Variants in AUTS2 observed in about 807,000 individuals in gnomAD.
The protein encoded by AUTS2 is activator of transcription and developmental regulator AUTS2, also known as autism susceptibility gene 2 protein.
A neutral mutation model predicts 112.4 loss-of-function variants in AUTS2; 17 were observed. The observed-to-expected ratio is 0.15, with a 90% CI of 0.10 to 0.23. The LOEUF is 0.23. Ranked by LOEUF, AUTS2 falls within the 10% of genes least tolerant of loss-of-function variation. AUTS2 has a pLI of 1.00. For missense variants in AUTS2, 1,510 were observed against 1,701.6 expected (o/e 0.89, Z 1.98); for synonymous variants, 751 against 702.7 (o/e 1.07, Z -1.09).
chr7:69,688,766 C>T (rs1207780561), intron 1 of AUTS2, among the ~76,000 whole-genome samples: 3 of 152,152 alleles, frequency 2.0e-5, no homozygotes, highest in Non-Finnish European at 2.9e-5. Context: ...TTTAACAGAG[C>T]TCTCCCTATC....
chr7:70,224,618 G>A (rs1029016288), intron 4 of AUTS2, among the ~76,000 whole-genome samples: 6 of 152,076 alleles, frequency 3.9e-5, no homozygotes, highest in African/African-American at 1.4e-4. Flanking sequence ...TAACCAACAT[G>A]TACAATGTTT....
chr7:69,996,080 C>T (rs1455461204), intron 2 of AUTS2, among the ~76,000 whole-genome samples: 1 of 152,160 alleles, frequency 6.6e-6, no homozygotes, highest in East Asian at 1.9e-4. Flanking sequence ...CAGTTCACTC[C>T]GTAAGGAGCT....
chr7:70,055,825 T>A (rs1252659001), intron 2 of AUTS2, among the ~76,000 whole-genome samples: 1 of 152,178 alleles, frequency 6.6e-6, no homozygotes, highest in Non-Finnish European at 1.5e-5. Context: ...GTTAGTCAGA[T>A]GTACCAAGTT....
At chr7:70,219,141 G>A (rs576937957) in intron 4 of AUTS2, among the ~76,000 whole-genome samples, 4 of 152,280 alleles carry the variant, frequency 2.6e-5, no homozygotes, top group South Asian at 4.1e-4. Flanking sequence ...GAGACATACC[G>A]TATGATGGGC....
chr7:69,636,489 C>CT lies in AUTS2; in HGVS notation c.309+36527_309+36528insT, dbSNP rs895785428. ...ACCTCAAGTGATCCGCGCCCCCCCC[C>CT]CCCCTTGGCCTCCCAAAGTGCTAGG... is the stretch of plus-strand genomic sequence containing the variant. On this transcript the variant is annotated intron_variant, in intron 1 of 18. Coordinates refer to ENST00000342771, the MANE Select transcript of AUTS2 (RefSeq NM_015570.4). Among the ~76,000 whole-genome samples, 5 of 93,244 alleles carry CT rather than the reference C, an allele frequency of 5.4e-5. 2 individuals are homozygous for CT. Among genetic ancestry groups the CT allele is most frequent in the African/African-American group, 8.2e-5 (2 of 24,350 alleles). 61.2% of individuals were successfully genotyped at this position (93,244 alleles called of 152,430 possible). A position where few individuals can be genotyped will look rare whatever the true frequency, so the allele number is the denominator to read the frequency against.
chr7:70,118,243 A>AG lies in AUTS2; in HGVS notation c.624+11dup, dbSNP rs1805489586. ...GGAAAGGCTCAGTGATGTAAGTTTAAGTAAAAAAAAAAAAAAAAAAAAAAT... is the reference window on the plus strand; with the variant it reads ...GGAAAGGCTCAGTGATGTAAGTTTAAGGTAAAAAAAAAAAAAAAAAAAAAAT... On this transcript the variant is annotated intron_variant, in intron 3 of 18. Coordinates refer to ENST00000342771, the MANE Select transcript of AUTS2 (RefSeq NM_015570.4). 6.9e-7 allele frequency: 1 copy of AG among 1,449,160 alleles called. No homozygotes were observed. Among genetic ancestry groups the AG allele is most frequent in the Non-Finnish European group, 9.1e-7 (1 of 1,103,546 alleles). 89.8% of individuals were successfully genotyped at this position (1,449,160 alleles called of 1,614,324 possible). A position where few individuals can be genotyped will look rare whatever the true frequency, so the allele number is the denominator to read the frequency against.
At chr7:69,810,629 T>TA (rs1037893521) in intron 1 of AUTS2, among the ~76,000 whole-genome samples, 1 of 152,092 alleles carries the variant, frequency 6.6e-6, no homozygotes, top group Non-Finnish European at 1.5e-5. Flanking sequence ...AGAAAGTTGA[T>TA]AGGAGGAGCA....
In AUTS2 at chr7:70,251,310, C is replaced by T. The variant is rs571042946; in HGVS notation, c.660+116739C>T. 6.6e-5 allele frequency among the ~76,000 whole-genome samples: 10 copies of T among 152,168 alleles called. No homozygotes were observed. In the East Asian group the frequency reaches 1.9e-3, roughly 30 times the overall value. On this transcript the variant is annotated intron_variant, in intron 4 of 18. Coordinates refer to ENST00000342771, the MANE Select transcript of AUTS2 (RefSeq NM_015570.4). ...TGAACTCCTGACCTCATGATTTGCC[C>T]ACTTCGGCCTCCAAAGTGCTGGGAT... is the stretch of plus-strand genomic sequence containing the variant.
chr7:70,509,053 G>A (rs1799081498), intron 5 of AUTS2, among the ~76,000 whole-genome samples: 1 of 152,120 alleles, frequency 6.6e-6, no homozygotes, highest in Admixed American at 6.6e-5. Context: ...TTGAGATCTA[G>A]TCTTCTACAT....
At chr7:69,764,833 AG>A (rs765471530) in intron 1 of AUTS2, among the ~76,000 whole-genome samples, 3 of 152,334 alleles carry the variant, frequency 2.0e-5, no homozygotes, top group Non-Finnish European at 4.4e-5. Flanking sequence ...AAGAACAATT[AG>A]CCCCTTGCAT....
intron 1 of AUTS2, among the ~76,000 whole-genome samples, chr7:69,614,556 G>T (rs771311314): frequency 5.3e-5 from 8 of 151,330 alleles, no homozygotes; most frequent in Non-Finnish European, 8.8e-5. Flanking sequence ...TTGCTGTGTT[G>T]CCCAGGCATT....
intron 1 of AUTS2, among the ~76,000 whole-genome samples, chr7:69,688,970 A>G (rs1268401532): frequency 1.3e-5 from 2 of 152,336 alleles, no homozygotes; most frequent in African/African-American, 4.8e-5. Context: ...AATTACATAT[A>G]GATAATTTGA....
intron 5 of AUTS2, among the ~76,000 whole-genome samples, chr7:70,687,847 A>T (rs1405864768): frequency 6.6e-6 from 1 of 152,226 alleles, no homozygotes; most frequent in African/African-American, 2.4e-5. Context: ...ATCGCTAAGG[A>T]AGACATCCCA....
intron 5 of AUTS2, among the ~76,000 whole-genome samples, chr7:70,458,435 C>T (rs1347697259): frequency 6.6e-6 from 1 of 152,214 alleles, no homozygotes; most frequent in Non-Finnish European, 1.5e-5. Flanking sequence ...TACCCTACTT[C>T]ATGACCCCAG....
At chr7:70,070,389 A>G (rs1802698546) in intron 2 of AUTS2, among the ~76,000 whole-genome samples, 1 of 149,770 alleles carries the variant, frequency 6.7e-6, no homozygotes, top group Non-Finnish European at 1.5e-5. Flanking sequence ...CCTGGCCAAC[A>G]TGGCAAAACC....
At chr7:69,930,293 T>C (rs1295574051) in intron 2 of AUTS2, among the ~76,000 whole-genome samples, 2 of 152,148 alleles carry the variant, frequency 1.3e-5, no homozygotes, top group African/African-American at 2.4e-5. Flanking sequence ...CCTCTGTAGA[T>C]CTCCAGGGCT....
intron 1 of AUTS2, among the ~76,000 whole-genome samples, chr7:69,692,281 C>T (rs611052): frequency 0.71 from 108,361 of 152,092 alleles, 38,657 homozygotes; most frequent in East Asian, 0.78. Flanking sequence ...TGGAAGACTT[C>T]GGTGGTCCTT....
At chr7:70,390,301 G>A (rs967034602) in intron 4 of AUTS2, among the ~76,000 whole-genome samples, 6 of 152,206 alleles carry the variant, frequency 3.9e-5, no homozygotes, top group African/African-American at 1.4e-4. Context: ...TGATTCAGTA[G>A]ATGTGGGTTG....
chr7:70,763,719 C>G (rs990847578), intron 7 of AUTS2, among the ~76,000 whole-genome samples: 1 of 152,252 alleles, frequency 6.6e-6, no homozygotes, highest in African/African-American at 2.4e-5. Flanking sequence ...AAGAGAGGCT[C>G]TCTGCCTCTG....
Sources: allele counts gnomAD v4.1 joint callset (sites outside exome capture counted in the v4.1 genomes callset), GRCh38; gene constraint gnomAD v4.1.1; transcripts MANE v1.5; gene names NCBI Gene and HGNC (gene_info 2026-07-23, HGNC 2026-07-21).